Variants in ZC3H12C observed in about 807,000 individuals in gnomAD.
ZC3H12C encodes zinc finger CCCH-type containing 12C.
Under a neutral mutation model 76.3 loss-of-function variants are expected in ZC3H12C, and 20 were observed. The observed-to-expected ratio is 0.26, with a 90% CI of 0.18 to 0.38. The LOEUF is 0.38. Ranked by LOEUF, ZC3H12C falls within the 10% of genes least tolerant of loss-of-function variation. The probability of loss-of-function intolerance (pLI) is 1.00; values close to 1 mark genes in which losing one functional copy is unlikely to be tolerated. For missense variants in ZC3H12C, 874 were observed against 1,086.5 expected (o/e 0.80, Z 2.75); for synonymous variants, 352 against 399.6 (o/e 0.88, Z 1.42).
At chr11:110,105,044 T>C (rs780473163) in intron 1 of ZC3H12C, among the ~76,000 whole-genome samples, 5 of 152,214 alleles carry the variant, frequency 3.3e-5, no homozygotes, top group Non-Finnish European at 5.9e-5. Context: ...TGTTCTTTGT[T>C]CTTAGTCATC....
intron 4 of ZC3H12C, among the ~76,000 whole-genome samples, chr11:110,161,986 T>C (rs1862489582): frequency 6.6e-6 from 1 of 152,076 alleles, no homozygotes; most frequent in African/African-American, 2.4e-5. Context: ...CAAAAAAAAT[T>C]AGCTGGGCAT....
At chr11:110,153,102 AT>A in intron 3 of ZC3H12C, 44 bp downstream of exon 3, 1 of 1,591,550 alleles carries the variant, frequency 6.3e-7, no homozygotes, top group Non-Finnish European at 8.6e-7. Context: ...CTTTCCTATA[AT>A]AACCATGCAG....
Position 110,127,359 on chromosome 11 carries a change from G to A in ZC3H12C, c.22-9304G>A, listed in dbSNP as rs973811605. ...CTTTCTACAAGAGAGCTCATGGCCT[G>A]TCTGACTTCCTAAATATAATAACTC... On this transcript the variant is annotated intron_variant, in intron 1 of 5. Transcript: ENST00000278590. 2.0e-5 allele frequency among the ~76,000 whole-genome samples: 3 copies of A among 152,166 alleles called. 1 individual carries two copies. Among genetic ancestry groups the A allele is most frequent in the South Asian group, 4.1e-4 (2 of 4,834 alleles).
chr11:110,140,842 T>G (rs1183570065), intron 2 of ZC3H12C, among the ~76,000 whole-genome samples: 2 of 152,290 alleles, frequency 1.3e-5, no homozygotes, highest in South Asian at 4.1e-4. Context: ...ACTAGAAGAA[T>G]TTAAGCAAGG....
chr11:110,151,152 GT>G (rs1862265416), intron 2 of ZC3H12C, among the ~76,000 whole-genome samples: 1 of 152,070 alleles, frequency 6.6e-6, no homozygotes, highest in African/African-American at 2.4e-5. Context: ...ACAGTATCCT[GT>G]TTTATCATCT....
chr11:110,145,601 G>GTC, intron 2 of ZC3H12C, among the ~76,000 whole-genome samples: 1 of 149,920 alleles, frequency 6.7e-6, no homozygotes, highest in African/African-American at 2.5e-5. Flanking sequence ...CAGAAATTGG[G>GTC]GGCGGGGGGG....
chr11:110,138,738 T>C (rs916904236), intron 2 of ZC3H12C, among the ~76,000 whole-genome samples: 2 of 152,146 alleles, frequency 1.3e-5, no homozygotes, highest in East Asian at 3.9e-4. Flanking sequence ...TTGTATTTTT[T>C]AGTAGAGCCT....
Position 110,165,248 on chromosome 11 carries a change from T to C in ZC3H12C, c.2163T>C (p.Cys721=), listed in dbSNP as rs759439623. 4 of 1,613,990 alleles carry C rather than the reference T, an allele frequency of 2.5e-6. No homozygotes were observed. Among genetic ancestry groups the C allele is most frequent in the Non-Finnish European group, 3.4e-6 (4 of 1,179,884 alleles). The change falls in exon 6 of 6, where the codon TGT becomes TGC. Residue 721 remains cysteine (C), a synonymous_variant. Coordinates refer to ENST00000278590, the MANE Select transcript of ZC3H12C (RefSeq NM_033390.2). ...CCGCTGTGGGCGCCCGGTCCAGCTG[T>C]CCTGGCGACTACCCCTCTCCTCCAA... ...PHSAVGARSS[C]PGDYPSPPSS... is the part of the protein sequence containing the mutation.
rs752599713 is a variant in ZC3H12C at position 110,165,252 on chromosome 11, G to A, written c.2167G>A (p.Gly723Ser). ...TGTGGGCGCCCGGTCCAGCTGTCCT[G>A]GCGACTACCCCTCTCCTCCAAGTTC... ...SAVGARSSCP[G>S]DYPSPPSSAH... Residue 723 changes from glycine (G) to serine (S), a missense_variant, in exon 6 of 6, where the codon GGC becomes AGC. Physicochemically the swap from Gly to Ser is moderately conservative, Grantham distance 56 (BLOSUM62 0). Transcript: ENST00000278590. The A allele has an allele frequency of 2.7e-5, 43 of 1,613,982 alleles. 1 individual carries two copies. The Middle Eastern group carries it at 4.9e-4, about 19-fold the overall frequency.
intron 1 of ZC3H12C, among the ~76,000 whole-genome samples, chr11:110,134,133 T>C (rs1264824660): frequency 1.3e-5 from 2 of 152,116 alleles, no homozygotes; most frequent in African/African-American, 4.8e-5. Context: ...ACCCAAACTT[T>C]TCAGGGGAGA....
intron 1 of ZC3H12C, among the ~76,000 whole-genome samples, chr11:110,114,002 A>T (rs1247401662): frequency 6.6e-6 from 1 of 152,186 alleles, no homozygotes; most frequent in African/African-American, 2.4e-5. Context: ...GGGTAGAAGA[A>T]CACTATTCCC....
Position 110,093,650 on chromosome 11 carries a change from C to T in ZC3H12C, c.21+218C>T, listed in dbSNP as rs889983758. ...CTCAGGTGGGGCCGAGCGGAAAGCC[C>T]AGCGCATCCTCCCCTCGGGCAACGC... is the stretch of plus-strand genomic sequence containing the variant. On this transcript the variant is annotated intron_variant, in intron 1 of 5. Coordinates refer to ENST00000278590, the MANE Select transcript of ZC3H12C (RefSeq NM_033390.2). Among the ~76,000 whole-genome samples the T allele has an allele frequency of 7.2e-5, 11 of 151,842 alleles. 1 individual carries two copies. Among genetic ancestry groups the T allele is most frequent in the Admixed American group, 3.3e-4 (5 of 15,272 alleles).
At chr11:110,143,362 AT>A (rs888328270) in intron 2 of ZC3H12C, among the ~76,000 whole-genome samples, 149 of 151,870 alleles carry the variant, frequency 9.8e-4, no homozygotes, top group African/African-American at 3.0e-3. Context: ...TCTTAAAGTC[AT>A]TTTTTTTAGA....
chr11:110,165,132 C>A lies in ZC3H12C; in HGVS notation c.2047C>A (p.Pro683Thr). Residue 683 changes from proline to threonine, a missense_variant, in exon 6 of 6, where the codon CCC becomes ACC. Physicochemically the swap from Pro to Thr is conservative, Grantham distance 38. Transcript: ENST00000278590. ...PQPFLQNFHDPLTRGQSYSHE... is the reference protein window; with the variant it reads ...PQPFLQNFHDTLTRGQSYSHE... ...ACCGTTCCTGCAGAATTTCCACGAC[C>A]CCTTAACCAGAGGGCAAAGTTACAG... The A allele has an allele frequency of 1.2e-6, 2 of 1,613,844 alleles. No homozygotes were observed. Among genetic ancestry groups the A allele is most frequent in the Non-Finnish European group, 1.7e-6 (2 of 1,179,894 alleles).
chr11:110,152,820 A>T, intron 2 of ZC3H12C, 99 bp from the exon 3 acceptor site: 2 of 1,332,776 alleles, frequency 1.5e-6, no homozygotes, highest in Non-Finnish European at 2.1e-6. Context: ...GTCTCTTATT[A>T]CTGTTGTAAC....
At chr11:110,095,499 T>C (rs538811249) in intron 1 of ZC3H12C, among the ~76,000 whole-genome samples, 1 of 152,360 alleles carries the variant, frequency 6.6e-6, no homozygotes, top group South Asian at 2.1e-4. Context: ...TGTTTTTATC[T>C]TTTTACTGTT....
chr11:110,160,455 T>C (rs1862459336), intron 4 of ZC3H12C, among the ~76,000 whole-genome samples: 1 of 152,168 alleles, frequency 6.6e-6, no homozygotes, highest in Non-Finnish European at 1.5e-5. Context: ...TGTACAACTG[T>C]ACAAAAACAT....
At position 110,158,404 on chromosome 11, in the gene ZC3H12C, G is replaced by A. The variant is rs891332732; in HGVS notation, c.914-852G>A. Among the ~76,000 whole-genome samples the A allele has an allele frequency of 7.9e-5, 12 of 152,106 alleles. No homozygotes were observed. In the South Asian group the frequency reaches 1.9e-3, roughly 24 times the overall value. On this transcript the variant is annotated intron_variant, in intron 3 of 5. Transcript: ENST00000278590. ...AGGCGCCTGTAATCCCAGCTACTCA[G>A]AAGGCTGAGGCACAAGAATCACTTG...
intron 1 of ZC3H12C, among the ~76,000 whole-genome samples, chr11:110,111,181 G>A (rs1451810296): frequency 6.6e-6 from 1 of 152,142 alleles, no homozygotes; most frequent in African/African-American, 2.4e-5. Context: ...TCTTGGGCCT[G>A]AGCATTCCTC....
Sources: gnomAD v4.1 joint callset for allele counts (sites outside exome capture counted in the v4.1 genomes callset) on GRCh38, gnomAD v4.1.1 for gene constraint, MANE v1.5 for transcripts, NCBI Gene and HGNC (gene_info 2026-07-23, HGNC 2026-07-21) for gene names.